The following TNS3 variants were observed in gnomAD, a reference collection of about 807,000 sequenced individuals.
TNS3 encodes the protein tensin 3, also known as tensin-3.
In TNS3, 45 loss-of-function variants were observed where a neutral mutation model predicts 140.9. That is an observed-to-expected ratio of 0.32 (90% CI 0.25 to 0.41). The LOEUF (loss-of-function observed/expected upper bound fraction) is 0.41, where lower values mean the gene tolerates loss of function less well. Ranked by LOEUF, TNS3 falls within the 10% of genes least tolerant of loss-of-function variation. The pLI is 1.00. For missense variants in TNS3, 1,716 were observed against 1,906.7 expected (o/e 0.90, Z 1.86); for synonymous variants, 815 against 788.4 (o/e 1.03, Z -0.56).
At chr7:47,536,547 G>A (rs956895288) in intron 1 of TNS3, among the ~76,000 whole-genome samples, 1 of 152,214 alleles carries the variant, frequency 6.6e-6, no homozygotes, top group Non-Finnish European at 1.5e-5. Context: ...AGAAACACGC[G>A]AGGGATAGCA....
In TNS3 at chr7:47,283,824, GGGA is replaced by G; in HGVS notation, c.3967_3969del (p.Ser1323del). ...TTCTGGATCGCCTGGTGGCCGGTGAGGGACTCCATCTCCACAGAGTTCAAGTAC... is the reference window on the plus strand; with the variant it reads ...TTCTGGATCGCCTGGTGGCCGGTGAGCTCCATCTCCACAGAGTTCAAGTAC... On this transcript the variant is annotated inframe_deletion, in exon 28 of 31. Transcript: ENST00000311160. The G allele has an allele frequency of 6.2e-7, 1 of 1,610,610 alleles. No individual in the cohort carries two copies. Among genetic ancestry groups the G allele is most frequent in the Non-Finnish European group, 8.5e-7 (1 of 1,178,412 alleles).
intron 1 of TNS3, among the ~76,000 whole-genome samples, chr7:47,572,038 AG>A (rs1800569450): frequency 6.6e-6 from 1 of 152,248 alleles, no homozygotes; most frequent in Admixed American, 6.5e-5. Flanking sequence ...GACCACGCAG[AG>A]GGGCCACCTC....
intron 4 of TNS3, chr7:47,470,418 TAAAAG>T: frequency 1.0e-6 from 1 of 979,440 alleles, no homozygotes; most frequent in Non-Finnish European, 1.2e-6. Flanking sequence ...ATCTGTGCCA[TAAAAG>T]AAAAGAAATC....
chr7:47,469,711 C>T lies in TNS3; in HGVS notation c.-76+11392G>A, dbSNP rs113219555. 6.6e-5 allele frequency among the ~76,000 whole-genome samples: 10 copies of T among 152,262 alleles called. 1 individual carries two copies. Among genetic ancestry groups the T allele is most frequent in the African/African-American group, 2.4e-4 (10 of 41,534 alleles). ...GGTATAGGCTGGGCACGGTGGCTCA[C>T]GCCTGTAATCCCAGCACTCTGAAAG... is the stretch of plus-strand genomic sequence containing the variant. On this transcript the variant is annotated intron_variant, in intron 4 of 30. Transcript: ENST00000311160.
intron 9 of TNS3, among the ~76,000 whole-genome samples, chr7:47,425,439 A>G (rs768907089): frequency 1.3e-5 from 2 of 152,224 alleles, no homozygotes; most frequent in African/African-American, 2.4e-5. Context: ...AAATCCTGGT[A>G]GAGAGACAGG....
At chr7:47,543,406 G>A (rs776626946) in intron 1 of TNS3, among the ~76,000 whole-genome samples, 1 of 152,240 alleles carries the variant, frequency 6.6e-6, no homozygotes, top group Admixed American at 6.5e-5. Context: ...TATGTGCATG[G>A]GGCACCTGAA....
At chr7:47,503,170 T>C (rs1410408473) in intron 3 of TNS3, among the ~76,000 whole-genome samples, 1 of 152,184 alleles carries the variant, frequency 6.6e-6, no homozygotes, top group Non-Finnish European at 1.5e-5. Flanking sequence ...TCACCTCTGA[T>C]GATTCAAGAT....
In TNS3 at chr7:47,539,853, C is replaced by T. The variant is rs185273141; in HGVS notation, c.-264-10706G>A. Among the ~76,000 whole-genome samples, 60 of 152,314 alleles carry T rather than the reference C, an allele frequency of 3.9e-4. No homozygotes were observed. The Middle Eastern group carries it at 0.01, about 26-fold the overall frequency. On this transcript the variant is annotated intron_variant, in intron 1 of 30. Coordinates refer to ENST00000311160, the MANE Select transcript of TNS3 (RefSeq NM_022748.12). ...GAAAACATTCTCCTTTGCTGTATTT[C>T]CACCACATCAACACCGGTGTTCACT...
intron 17 of TNS3, among the ~76,000 whole-genome samples, chr7:47,361,006 C>T (rs1052149122): frequency 7.2e-5 from 11 of 151,872 alleles, no homozygotes; most frequent in East Asian, 1.9e-4. Flanking sequence ...CTGCTACGGG[C>T]GCAGGCGCTG....
chr7:47,474,301 A>G (rs1797082680), intron 4 of TNS3, among the ~76,000 whole-genome samples: 1 of 147,350 alleles, frequency 6.8e-6, no homozygotes, highest in African/African-American at 2.6e-5. Context: ...ATAAACACAC[A>G]CAGCACACAC....
intron 1 of TNS3, among the ~76,000 whole-genome samples, chr7:47,544,574 C>T (rs1799871807): frequency 6.6e-6 from 1 of 152,074 alleles, no homozygotes; most frequent in African/African-American, 2.4e-5. Flanking sequence ...AACCAGGAGC[C>T]AGCCCTCACC....
chr7:47,320,557 C>G (rs1201072688), intron 20 of TNS3, among the ~76,000 whole-genome samples: 2 of 152,212 alleles, frequency 1.3e-5, no homozygotes, highest in African/African-American at 4.8e-5. Flanking sequence ...CTTCTCTCTG[C>G]GGTGCACAGA....
At chr7:47,367,534 A>G (rs530621137) in intron 17 of TNS3, among the ~76,000 whole-genome samples, 2 of 152,190 alleles carry the variant, frequency 1.3e-5, no homozygotes, top group Non-Finnish European at 2.9e-5. Flanking sequence ...ACAGAAAGGC[A>G]CTGTGCTGGT....
chr7:47,420,574 G>A (rs1794322179), intron 10 of TNS3, among the ~76,000 whole-genome samples: 2 of 152,190 alleles, frequency 1.3e-5, no homozygotes, highest in Admixed American at 1.3e-4. Flanking sequence ...ATGCATTCGG[G>A]CAGCCCCCTC....
chr7:47,563,273 C>T (rs1204432600), intron 1 of TNS3, among the ~76,000 whole-genome samples: 1 of 152,244 alleles, frequency 6.6e-6, no homozygotes, highest in Non-Finnish European at 1.5e-5. Context: ...GTCCACAGCC[C>T]TACCATCTGG....
intron 3 of TNS3, among the ~76,000 whole-genome samples, chr7:47,506,577 C>T (rs998984947): frequency 1.3e-5 from 2 of 151,936 alleles, no homozygotes; most frequent in African/African-American, 4.8e-5. Flanking sequence ...TGCTCCTGCC[C>T]TCTCTCCACC....
chr7:47,365,789 A>G (rs1790664204), intron 17 of TNS3, among the ~76,000 whole-genome samples: 1 of 152,152 alleles, frequency 6.6e-6, no homozygotes, highest in African/African-American at 2.4e-5. Flanking sequence ...TAAAGTAATG[A>G]GTTTACCAAG....
At chr7:47,483,144 A>G (rs1166264056) in intron 3 of TNS3, among the ~76,000 whole-genome samples, 4 of 151,164 alleles carry the variant, frequency 2.6e-5, no homozygotes, top group Admixed American at 2.0e-4. Context: ...AAATGTTTAT[A>G]TATGAAGAGG....
At chr7:47,346,056 A>C (rs776139913) in intron 18 of TNS3, 131 bp downstream of exon 18, 8 of 1,216,444 alleles carry the variant, frequency 6.6e-6, no homozygotes, top group Non-Finnish European at 8.0e-6. Context: ...ACCAGGACGG[A>C]AGGTGGGTGC....
Sources: gnomAD v4.1 joint callset for allele counts (sites outside exome capture counted in the v4.1 genomes callset) on GRCh38, gnomAD v4.1.1 for gene constraint, MANE v1.5 for transcripts, NCBI Gene and HGNC (gene_info 2026-07-23, HGNC 2026-07-21) for gene names.